The following ITGAD variants were observed in gnomAD, a reference collection of about 807,000 sequenced individuals.
ITGAD encodes the protein integrin alpha-D.
Under a neutral mutation model 139.0 loss-of-function variants are expected in ITGAD, and 105 were observed. That is an observed-to-expected ratio of 0.76 (90% CI 0.65 to 0.89). ITGAD has a LOEUF of 0.89. Ranked by LOEUF, ITGAD falls within the 40% of genes least tolerant of loss-of-function variation. ITGAD has a pLI of 0.00. For synonymous variants in ITGAD, 569 were observed against 598.3 expected, an observed-to-expected ratio of 0.95 and a Z score of 0.71; for missense variants, 1,384 against 1,487.3, an observed-to-expected ratio of 0.93 and a Z score of 1.14.
At position 31,394,380 on chromosome 16, in the gene ITGAD, A is replaced by T. The variant is rs761832990; in HGVS notation, c.137+39A>T. ...ACCCTCCTTCCCCAACCTCCACTACATCAAGTCCTGTGGATGGGTACACGT... is the reference window on the plus strand; with the variant it reads ...ACCCTCCTTCCCCAACCTCCACTACTTCAAGTCCTGTGGATGGGTACACGT... On this transcript the variant is annotated intron_variant, in intron 2 of 29. Coordinates refer to ENST00000389202, the MANE Select transcript of ITGAD (RefSeq NM_005353.3). 1.4e-5 allele frequency: 20 copies of T among 1,481,302 alleles called. No homozygotes were observed. In the African/African-American group the frequency reaches 1.5e-4, roughly 11 times the overall value. 91.8% of individuals were successfully genotyped at this position (1,481,302 alleles called of 1,614,324 possible).
chr16:31,421,726 TAC>T (rs1043352784), intron 23 of ITGAD, among the ~76,000 whole-genome samples: 14 of 152,040 alleles, frequency 9.2e-5, no homozygotes, highest in African/African-American at 2.7e-4. Context: ...AGTGAAAAGC[TAC>T]AGTTTCCAGA....
chr16:31,402,214 T>A lies in ITGAD; in HGVS notation c.527T>A (p.Val176Asp). ...CAGATGAAGGGCTTTGTCCAAGCTG[T>A]CATGGGCCAGTTTGAGGGCACTGAC... ...FNQMKGFVQA[V>D]MGQFEGTDTL... Residue 176 changes from valine to aspartate, a missense_variant, in exon 6 of 30, where the codon GTC (valine) becomes GAC (aspartate). Val to Asp is a radical substitution (Grantham distance 152). Coordinates refer to ENST00000389202, the MANE Select transcript of ITGAD (RefSeq NM_005353.3). 6.3e-7 allele frequency: 1 copy of A among 1,594,602 alleles called. No individual in the cohort carries two copies. The highest frequency in any genetic ancestry group is 8.6e-7 in the Non-Finnish European group (1 of 1,168,110).
At chr16:31,414,819 T>A (rs1056970384) in intron 17 of ITGAD, 41 bp from the exon 18 acceptor site, 1 of 1,607,858 alleles carries the variant, frequency 6.2e-7, no homozygotes, top group Admixed American at 1.7e-5. Context: ...TGGTGGAGCG[T>A]AGAGAGGACA....
In ITGAD at chr16:31,416,639, G is replaced by A. The variant is rs763237708; in HGVS notation, c.2492G>A (p.Gly831Glu). 13 of 1,607,994 alleles carry A rather than the reference G, an allele frequency of 8.1e-6. No homozygotes were observed. The highest frequency in any genetic ancestry group is 5.0e-5 in the Admixed American group (3 of 59,854). ...PAGLSHRRVS[G>E]AQKQPHQSAL... The stretch of plus-strand genomic sequence containing the variant: ...GGGCTGTCGCACCGACGGGTGTCAG[G>A]AGCCCAGGTAACAACTGCTGTAGGC... The change falls in exon 20 of 30, where the codon GGA becomes GAA. Residue 831 changes from glycine (G) to glutamate (E), a missense_variant. Gly to Glu is a moderately conservative substitution (Grantham distance 98, BLOSUM62 -2). Transcript: ENST00000389202.
In ITGAD at chr16:31,407,614, C is replaced by G; in HGVS notation, c.804C>G (p.Tyr268Ter). 6.2e-7 allele frequency: 1 copy of G among 1,614,140 alleles called. No individual in the cohort carries two copies. The highest frequency in any genetic ancestry group is 1.1e-5 in the South Asian group (1 of 91,074). The change falls in exon 8 of 30, where the codon TAC becomes TAG. Residue 268 changes from tyrosine (Y) to a stop codon, truncating the protein, a stop_gained. Transcript: ENST00000389202. LOFTEE classifies it high-confidence loss of function. ...AGAAGTACAAAGACCCCCTGGAATA[C>G]AGTGATGTCATCCCCCAGGCAGAGA... is the stretch of plus-strand genomic sequence containing the variant. ...DGQKYKDPLE[Y>*]SDVIPQAEKA...
At chr16:31,397,538 A>T in intron 3 of ITGAD, 58 bp from the exon 4 acceptor site, 1 of 1,597,012 alleles carries the variant, frequency 6.3e-7, no homozygotes. Context: ...TCCAGTCCAG[A>T]CCTTCCCCGC....
chr16:31,401,807 C>T (rs2142646226), intron 5 of ITGAD, among the ~76,000 whole-genome samples: 1 of 152,380 alleles, frequency 6.6e-6, no homozygotes, highest in African/African-American at 2.4e-5. Context: ...AGAACACGCG[C>T]CCTGAACCAC....
At chr16:31,412,001 T>C (rs536920781) in intron 14 of ITGAD, among the ~76,000 whole-genome samples, 1 of 152,114 alleles carries the variant, frequency 6.6e-6, no homozygotes, top group Non-Finnish European at 1.5e-5. Context: ...TGCACCCTCA[T>C]GACGGGTTGG....
chr16:31,406,899 G>A (rs961992425), intron 7 of ITGAD, among the ~76,000 whole-genome samples: 11 of 152,334 alleles, frequency 7.2e-5, no homozygotes, highest in South Asian at 4.1e-4. Flanking sequence ...GCAGAGGCCC[G>A]GAGAGGTTAA....
Position 31,423,882 on chromosome 16 carries a change from ACGTCCCCTCCTTCAG to A in ITGAD, c.3089_3103del (p.Pro1030_Val1034del). The A allele has an allele frequency of 6.2e-7, 1 of 1,614,066 alleles. No individual in the cohort carries two copies. The highest frequency in any genetic ancestry group is 1.1e-5 in the South Asian group (1 of 91,078). ...GCTGACTGCCTGCAGTTCCGCTGTG[ACGTCCCCTCCTTCAG>A]CGTCCAGGAGGAGCTGGATTTCACC... On this transcript the variant is annotated inframe_deletion, in exon 27 of 30. Transcript: ENST00000389202.
intron 5 of ITGAD, 81 bp from the exon 6 acceptor site, chr16:31,402,034 C>T: frequency 6.6e-7 from 1 of 1,509,170 alleles, no homozygotes; most frequent in Non-Finnish European, 9.0e-7. Context: ...AAGAACAGCC[C>T]CCGGGCTCTG....
Position 31,416,256 on chromosome 16 carries a change from G to C in ITGAD, c.2327G>C (p.Gly776Ala). 2 of 1,605,536 alleles carry C rather than the reference G, an allele frequency of 1.2e-6. No homozygotes were observed. Among genetic ancestry groups the C allele is most frequent in the South Asian group, 2.2e-5 (2 of 89,864 alleles). The change falls in exon 19 of 30, where the codon GGG (glycine) becomes GCG (alanine). Residue 776 changes from glycine to alanine, a missense_variant. Physicochemically the swap from Gly to Ala is moderately conservative, Grantham distance 60. Coordinates refer to ENST00000389202, the MANE Select transcript of ITGAD (RefSeq NM_005353.3). ...KNCGQDGLCE[G>A]DLGVTLSFSG... Reference sequence around the variant, plus strand: ...TGTGGGCAAGATGGCCTCTGTGAAGGGGACCTGGGTGTCACCCTCAGCTTC... The same window carrying C: ...TGTGGGCAAGATGGCCTCTGTGAAGCGGACCTGGGTGTCACCCTCAGCTTC...
intron 10 of ITGAD, 34 bp downstream of exon 10, chr16:31,408,532 G>C: frequency 6.3e-7 from 1 of 1,584,468 alleles, no homozygotes; most frequent in Non-Finnish European, 8.7e-7. Flanking sequence ...CATAGCTCTT[G>C]GATACCAACT....
At chr16:31,410,313 G>A (rs2081653410) in intron 10 of ITGAD, 82 bp from the exon 11 acceptor site, 1 of 1,582,010 alleles carries the variant, frequency 6.3e-7, no homozygotes, top group Non-Finnish European at 8.6e-7. Context: ...GATGGCGAGT[G>A]ATGCGGGTGG....
rs2081830416 is a variant in ITGAD at position 31,414,509 on chromosome 16, T to C, written c.2055T>C (p.Ser685=). 2 of 1,614,106 alleles carry C rather than the reference T, an allele frequency of 1.2e-6. No homozygotes were observed. Among genetic ancestry groups the C allele is most frequent in the African/African-American group, 2.7e-5 (2 of 74,946 alleles). The stretch of plus-strand genomic sequence containing the variant: ...CACTGGACCCAGGTCGTCTGACTTC[T>C]CGTGCCATTTTCAATGAAACCAAGA... The part of the protein sequence containing the change: ...DLALDPGRLT[S]RAIFNETKNP... Residue 685 remains serine (S), a synonymous_variant, in exon 17 of 30, where the codon TCT becomes TCC. Coordinates refer to ENST00000389202, the MANE Select transcript of ITGAD (RefSeq NM_005353.3).
Position 31,410,838 on chromosome 16 carries a change from C to T in ITGAD, c.1316C>T (p.Ser439Phe), listed in dbSNP as rs1190625454. Residue 439 changes from serine (S) to phenylalanine (F), a missense_variant, in exon 12 of 30, where the codon TCC becomes TTC. Ser to Phe is a radical substitution (Grantham distance 155). Coordinates refer to ENST00000389202, the MANE Select transcript of ITGAD (RefSeq NM_005353.3). Reference sequence around the variant, plus strand: ...AAGGCTGTCATCTTCACCCAGGTGTCCAGGCAATGGAGGAAGAAGGCCGAA... The same window carrying T: ...AAGGCTGTCATCTTCACCCAGGTGTTCAGGCAATGGAGGAAGAAGGCCGAA... The part of the protein sequence containing the change: ...TGKAVIFTQV[S>F]RQWRKKAEVT... The T allele has an allele frequency of 6.2e-7, 1 of 1,613,756 alleles. No homozygotes were observed. Among genetic ancestry groups the T allele is most frequent in the African/African-American group, 1.3e-5 (1 of 74,850 alleles).
chr16:31,411,086 A>G lies in ITGAD; in HGVS notation c.1367A>G (p.Tyr456Cys). 2.5e-6 allele frequency: 4 copies of G among 1,612,274 alleles called. No homozygotes were observed. Among genetic ancestry groups the G allele is most frequent in the Non-Finnish European group, 2.5e-6 (3 of 1,179,860 alleles). The change falls in exon 13 of 30, where the codon TAC (tyrosine) becomes TGC (cysteine). Residue 456 changes from tyrosine to cysteine, a missense_variant. Transcript: ENST00000389202. ...AEVTGTQIGS[Y>C]FGASLCSVDV... ...GGCTCTGCCCTCCAGATCGGCTCCTACTTCGGGGCCTCCCTCTGCTCTGTG... is the reference window on the plus strand; with the variant it reads ...GGCTCTGCCCTCCAGATCGGCTCCTGCTTCGGGGCCTCCCTCTGCTCTGTG...
At chr16:31,406,144 G>A (rs750521874) in intron 7 of ITGAD, among the ~76,000 whole-genome samples, 10 of 151,480 alleles carry the variant, frequency 6.6e-5, no homozygotes, top group Non-Finnish European at 1.0e-4. Context: ...GCATGATCTC[G>A]GCTCACTGCA....
chr16:31,397,928 A>T lies in ITGAD; in HGVS notation c.427+19A>T. The T allele has an allele frequency of 6.3e-7, 1 of 1,583,510 alleles. No homozygotes were observed. The highest frequency in any genetic ancestry group is 1.1e-5 in the South Asian group (1 of 88,914). On this transcript the variant is annotated intron_variant, in intron 5 of 29. Transcript: ENST00000389202. ...ACGCCAGGTAGGTCCCTGGCAGGCC[A>T]TGGTTCCCTGTGGAGCACATGCTGG...
Sources: gnomAD v4.1 joint callset for allele counts (sites outside exome capture counted in the v4.1 genomes callset) on GRCh38, gnomAD v4.1.1 for gene constraint, MANE v1.5 for transcripts, NCBI Gene and HGNC (gene_info 2026-07-23, HGNC 2026-07-21) for gene names.